Variants in SLC22A4 observed in about 807,000 individuals in gnomAD.
SLC22A4 encodes the protein solute carrier family 22 member 4, also known as ET transporter.
A neutral mutation model predicts 56.6 loss-of-function variants in SLC22A4; 39 were observed. That is an observed-to-expected ratio of 0.69 (90% CI 0.53 to 0.90). SLC22A4 has a LOEUF of 0.90. SLC22A4 is among the 40% of genes least tolerant of loss of function. SLC22A4 has a pLI of 0.00. For synonymous variants in SLC22A4, 241 were observed against 281.4 expected, an observed-to-expected ratio of 0.86 and a Z score of 1.44; for missense variants, 594 against 696.5, an observed-to-expected ratio of 0.85 and a Z score of 1.66.
Position 132,294,564 on chromosome 5 carries a change from T to C in SLC22A4, c.-53T>C. ...GCGCCCCAGCTACAAGACACTGTCC[T>C]GAGAACGCTGTCATCACCCGTAGTT... On this transcript the variant is annotated 5_prime_UTR_variant, in exon 1 of 10. Coordinates refer to ENST00000200652, the MANE Select transcript of SLC22A4 (RefSeq NM_003059.3). The surrounding 1 kb of genome is among the most constrained non-coding windows in gnomAD (Gnocchi z 5.6). 2.5e-6 allele frequency: 4 copies of C among 1,613,318 alleles called. No homozygotes were observed. The highest frequency in any genetic ancestry group is 3.4e-6 in the Non-Finnish European group (4 of 1,179,788).
rs1751292604 is a variant in SLC22A4, at chr5:132,343,982, T to G, written c.*147T>G. On this transcript the variant is annotated 3_prime_UTR_variant, in exon 10 of 10. Coordinates refer to ENST00000200652, the MANE Select transcript of SLC22A4 (RefSeq NM_003059.3). ...AAGAAATGCTCGTCATACAGTAAAC[T>G]CTGGATGATTCTTCCAGATAATGTC... 1.6e-6 allele frequency: 1 copy of G among 610,672 alleles called. No individual in the cohort carries two copies. The highest frequency in any genetic ancestry group is 1.9e-5 in the African/African-American group (1 of 53,798). 37.8% of individuals were successfully genotyped at this position (610,672 alleles called of 1,614,324 possible). A position where few individuals can be genotyped will look rare whatever the true frequency, so the allele number is the denominator to read the frequency against.
chr5:132,342,810 A>G (rs1272112061), intron 9 of SLC22A4, among the ~76,000 whole-genome samples: 1 of 152,240 alleles, frequency 6.6e-6, no homozygotes. Flanking sequence ...TTCTGTCCCT[A>G]CGGAGTTAAG....
At chr5:132,339,581 A>T (rs979687507) in intron 8 of SLC22A4, among the ~76,000 whole-genome samples, 1 of 152,132 alleles carries the variant, frequency 6.6e-6, no homozygotes, top group Non-Finnish European at 1.5e-5. Context: ...CCTAACAAAC[A>T]TATTCTGCAC....
At chr5:132,338,485 A>C (rs1751093838) in intron 8 of SLC22A4, among the ~76,000 whole-genome samples, 1 of 152,180 alleles carries the variant, frequency 6.6e-6, no homozygotes, top group Non-Finnish European at 1.5e-5. Context: ...GGTCTGACCA[A>C]AATTTATTAG....
At chr5:132,312,539 C>T (rs1750212054) in intron 2 of SLC22A4, among the ~76,000 whole-genome samples, 1 of 152,154 alleles carries the variant, frequency 6.6e-6, no homozygotes. Context: ...AAGTGGGGTC[C>T]TCATACCACA....
At chr5:132,311,874 G>C in intron 1 of SLC22A4, 1 of 502,788 alleles carries the variant, frequency 2.0e-6, no homozygotes, top group Non-Finnish European at 3.7e-6. Context: ...GCCTTGGCTG[G>C]CTTCTTGCTA....
At chr5:132,295,313 G>A in intron 1 of SLC22A4, 1 of 605,798 alleles carries the variant, frequency 1.7e-6, no homozygotes, top group Non-Finnish European at 3.2e-6. Context: ...GTTGGGGGAA[G>A]CGCAGCCCCA....
At chr5:132,307,498 A>C (rs534710851) in intron 1 of SLC22A4, among the ~76,000 whole-genome samples, 3 of 152,230 alleles carry the variant, frequency 2.0e-5, no homozygotes, top group Admixed American at 1.3e-4. Context: ...TTTAAGTGTA[A>C]CCTGCTTTGC....
chr5:132,338,422 G>A (rs924032408), intron 8 of SLC22A4, among the ~76,000 whole-genome samples: 12 of 152,176 alleles, frequency 7.9e-5, no homozygotes, highest in Admixed American at 4.6e-4. Flanking sequence ...TTTTGGGCAC[G>A]CATTGTCATT....
intron 2 of SLC22A4, 79 bp downstream of exon 2, chr5:132,312,343 G>C (rs1750206689): frequency 2.1e-6 from 2 of 946,472 alleles, no homozygotes; most frequent in Non-Finnish European, 3.5e-6. Context: ...ACTGAATTCA[G>C]GGTATTTCTA....
chr5:132,340,535 A>AT (rs746707300), intron 8 of SLC22A4, 30 bp from the exon 9 acceptor site: 2 of 1,612,126 alleles, frequency 1.2e-6, no homozygotes, highest in South Asian at 2.2e-5. Flanking sequence ...CTCCTATCTG[A>AT]TTGATGTTCT....
intron 3 of SLC22A4, among the ~76,000 whole-genome samples, chr5:132,318,275 AG>A (rs1178263653): frequency 6.6e-6 from 1 of 152,214 alleles, no homozygotes; most frequent in African/African-American, 2.4e-5. Flanking sequence ...ATCAGGATAA[AG>A]AATAACTATT....
chr5:132,317,579 G>A (rs1280665852), intron 3 of SLC22A4, among the ~76,000 whole-genome samples: 2 of 152,176 alleles, frequency 1.3e-5, no homozygotes, highest in Admixed American at 6.5e-5. Context: ...TTTCTACTTT[G>A]GGGCTGTTAT....
chr5:132,302,392 C>T (rs894150576), intron 1 of SLC22A4, among the ~76,000 whole-genome samples: 3 of 152,172 alleles, frequency 2.0e-5, no homozygotes, highest in African/African-American at 7.2e-5. Flanking sequence ...TGGCAGGCTG[C>T]ATTCAATTTA....
intron 4 of SLC22A4, among the ~76,000 whole-genome samples, chr5:132,326,484 A>G (rs754419444): frequency 6.6e-6 from 1 of 152,216 alleles, no homozygotes; most frequent in Non-Finnish European, 1.5e-5. Flanking sequence ...TCGAACCATC[A>G]TAAGTTAGGG....
At chr5:132,296,534 C>T (rs894944134) in intron 1 of SLC22A4, among the ~76,000 whole-genome samples, 1 of 152,240 alleles carries the variant, frequency 6.6e-6, no homozygotes, top group Non-Finnish European at 1.5e-5. Context: ...GAATCTGTGG[C>T]ACCTGTGGGA....
chr5:132,295,467 C>T (rs967456809), intron 1 of SLC22A4: 5 of 368,516 alleles, frequency 1.4e-5, no homozygotes, highest in African/African-American at 2.1e-5. Flanking sequence ...GGTGTACTGC[C>T]GTACCATATA....
chr5:132,313,123 C>T (rs1295618976), intron 2 of SLC22A4, among the ~76,000 whole-genome samples: 1 of 152,222 alleles, frequency 6.6e-6, no homozygotes, highest in African/African-American at 2.4e-5. Flanking sequence ...AATACCCAAA[C>T]TGTATCCCAA....
At chr5:132,337,416 G>A (rs1290419204) in intron 8 of SLC22A4, among the ~76,000 whole-genome samples, 1 of 151,256 alleles carries the variant, frequency 6.6e-6, no homozygotes, top group East Asian at 1.9e-4. Context: ...GGAACTACAG[G>A]CATGCACACC....
Sources: gnomAD v4.1 joint callset for allele counts (sites outside exome capture counted in the v4.1 genomes callset) on GRCh38, gnomAD v4.1.1 for gene constraint, Gnocchi (gnomAD v3.1) non-coding constraint, MANE v1.5 for transcripts, NCBI Gene and HGNC (gene_info 2026-07-23, HGNC 2026-07-21) for gene names.